Variants in DZANK1 observed in about 807,000 individuals in gnomAD.
The protein encoded by DZANK1 is double zinc ribbon and ankyrin repeat-containing protein 1.
DZANK1 carries 91 observed loss-of-function variants against 94.5 expected under a neutral mutation model. That is an observed-to-expected ratio of 0.96 (90% confidence interval 0.81 to 1.15). The LOEUF is 1.15. Ranked by LOEUF, DZANK1 falls within the 50% of genes most tolerant of loss-of-function variation. The pLI is 0.00. For synonymous variants in DZANK1, 312 were observed against 325.3 expected (o/e 0.96, Z 0.44); for missense variants, 903 against 916.4 (o/e 0.99, Z 0.19).
chr20:18,422,869 AT>A, intron 10 of DZANK1, among the ~76,000 whole-genome samples: 1 of 128,280 alleles, frequency 7.8e-6, no homozygotes, highest in South Asian at 2.5e-4. Context: ...AAATTTTAAG[AT>A]TTTTTTCTAT....
At chr20:18,425,890 G>A (rs1048278150) in intron 10 of DZANK1, among the ~76,000 whole-genome samples, 2 of 152,220 alleles carry the variant, frequency 1.3e-5, no homozygotes, top group Non-Finnish European at 2.9e-5. Flanking sequence ...TGGGAGAGAA[G>A]ATGAAACTGT....
intron 10 of DZANK1, among the ~76,000 whole-genome samples, chr20:18,424,207 T>C (rs2057923264): frequency 6.6e-6 from 1 of 152,168 alleles, no homozygotes; most frequent in Non-Finnish European, 1.5e-5. Context: ...CCCAGCACTT[T>C]GGGAGGCCAA....
chr20:18,397,473 A>G (rs1161777053), intron 14 of DZANK1, among the ~76,000 whole-genome samples: 1 of 152,174 alleles, frequency 6.6e-6, no homozygotes, highest in Non-Finnish European at 1.5e-5. Context: ...CTTGAACCCC[A>G]TGAGACCCAG....
intron 13 of DZANK1, among the ~76,000 whole-genome samples, chr20:18,402,372 G>C (rs1456335895): frequency 1.3e-5 from 2 of 152,112 alleles, no homozygotes; most frequent in African/African-American, 4.8e-5. Flanking sequence ...GTGGGATCAG[G>C]CATGTGCACT....
intron 13 of DZANK1, among the ~76,000 whole-genome samples, chr20:18,409,202 CAA>C (rs1190251185): frequency 6.6e-6 from 1 of 151,890 alleles, no homozygotes; most frequent in East Asian, 1.9e-4. Context: ...AGAAGCTCAA[CAA>C]GTTTCAAGTA....
At chr20:18,453,784 T>C (rs751572871) in exon 5 of DZANK1, 1 of 1,612,920 alleles carries the variant, frequency 6.2e-7, no homozygotes, top group Non-Finnish European at 8.5e-7. Flanking sequence ...AGAGTTCTTA[T>C]ATTTTTTCTT....
intron 10 of DZANK1, 111 bp from the exon 11 acceptor site, chr20:18,415,560 G>GTT (rs3830934): frequency 1.2e-4 from 147 of 1,189,620 alleles, no homozygotes; most frequent in South Asian, 1.0e-3. Context: ...CGGAAATAGT[G>GTT]TTTTTTTTGT....
At chr20:18,423,499 T>C (rs2057891065) in intron 10 of DZANK1, among the ~76,000 whole-genome samples, 1 of 152,242 alleles carries the variant, frequency 6.6e-6, no homozygotes, top group African/African-American at 2.4e-5. Flanking sequence ...TTGATATTTA[T>C]AGAATACGCA....
intron 7 of DZANK1, among the ~76,000 whole-genome samples, chr20:18,446,573 C>T (rs923990275): frequency 2.6e-5 from 4 of 151,922 alleles, no homozygotes; most frequent in African/African-American, 9.7e-5. Context: ...CTTCATATTC[C>T]CATTAAAGAA....
chr20:18,445,371 T>C (rs2058841377), intron 7 of DZANK1, among the ~76,000 whole-genome samples: 1 of 152,192 alleles, frequency 6.6e-6, no homozygotes, highest in African/African-American at 2.4e-5. Context: ...CAAGAATAAA[T>C]AGGCAAATTC....
chr20:18,391,935 C>T (rs567009937), intron 17 of DZANK1, among the ~76,000 whole-genome samples: 1 of 152,362 alleles, frequency 6.6e-6, no homozygotes, highest in East Asian at 1.9e-4. Flanking sequence ...CACTGATTTC[C>T]ATTCCTCATG....
At position 18,398,325 on chromosome 20, in the gene DZANK1, A is replaced by C. The variant is rs558172465; in HGVS notation, c.1536+198T>G. The C allele has an allele frequency of 4.1e-5, 23 of 561,218 alleles. No homozygotes were observed. The Middle Eastern group carries it at 1.4e-3, about 35-fold the overall frequency. 34.8% of individuals were successfully genotyped at this position (561,218 alleles called of 1,614,324 possible). The stretch of plus-strand genomic sequence containing the variant: ...ATTGTCTTAGGTCAGGTGCCCCAGA[A>C]GCAGACTCTGAGACAATATTCATGT... On this transcript the variant is annotated intron_variant, in intron 14 of 20. Coordinates refer to ENST00000262547, the Ensembl canonical transcript of DZANK1.
chr20:18,416,333 G>A (rs990067926), intron 10 of DZANK1, among the ~76,000 whole-genome samples: 1 of 152,038 alleles, frequency 6.6e-6, no homozygotes, highest in Non-Finnish European at 1.5e-5. Flanking sequence ...CTTAGCACAG[G>A]GCCAAGCTCC....
chr20:18,419,933 T>G (rs530990555), intron 10 of DZANK1, among the ~76,000 whole-genome samples: 1 of 152,128 alleles, frequency 6.6e-6, no homozygotes, highest in East Asian at 1.9e-4. Context: ...TTTTTTCCTC[T>G]TAATTCCCTT....
chr20:18,466,156 A>G (rs1299911947), intron 1 of DZANK1, among the ~76,000 whole-genome samples: 9 of 152,196 alleles, frequency 5.9e-5, no homozygotes, highest in Non-Finnish European at 1.3e-4. Context: ...AACCATTTAC[A>G]TCTCTGTATT....
chr20:18,398,699 C>G lies in DZANK1; in HGVS notation c.1433-73G>C, dbSNP rs530399483. On this transcript the variant is annotated intron_variant, in intron 13 of 20. Transcript: ENST00000262547. Reference sequence around the variant, plus strand: ...AAGAAAGAAAAATGATAGCATGGAACATATGTTCTTAGAGAGGTTAATTTC... The same window carrying G: ...AAGAAAGAAAAATGATAGCATGGAAGATATGTTCTTAGAGAGGTTAATTTC... The G allele has an allele frequency of 1.9e-5, 27 of 1,415,338 alleles. No homozygotes were observed. In the African/African-American group the frequency reaches 2.7e-4, roughly 14 times the overall value. The allele number at this position is 1,415,338 out of a possible 1,614,324, so 87.7% of individuals were successfully genotyped here.
chr20:18,424,608 C>T (rs1469295735), intron 10 of DZANK1, among the ~76,000 whole-genome samples: 1 of 152,132 alleles, frequency 6.6e-6, no homozygotes, highest in African/African-American at 2.4e-5. Context: ...ATGTATACCA[C>T]TTCTGTTCCT....
At chr20:18,460,213 T>C (rs773639044) in exon 3 of DZANK1, 12 of 1,593,750 alleles carry the variant, frequency 7.5e-6, no homozygotes, top group African/African-American at 4.0e-5. Context: ...AGGTTTTATA[T>C]ACTTAAATGT....
chr20:18,456,495 A>G (rs774889842), intron 3 of DZANK1, among the ~76,000 whole-genome samples: 2 of 152,236 alleles, frequency 1.3e-5, no homozygotes, highest in Non-Finnish European at 2.9e-5. Flanking sequence ...AATGTACACA[A>G]TTTTGTGAGT....
Sources: allele counts gnomAD v4.1 joint callset (sites outside exome capture counted in the v4.1 genomes callset), GRCh38; gene constraint gnomAD v4.1.1; transcripts MANE v1.5; gene names NCBI Gene and HGNC (gene_info 2026-07-23, HGNC 2026-07-21).